PDLIM3: variants seen among roughly 807,000 people sequenced by gnomAD.
PDLIM3 encodes the protein PDZ and LIM domain protein 3.
PDLIM3 carries 36 observed loss-of-function variants against 37.3 expected under a neutral mutation model. The observed-to-expected ratio is 0.97, with a 90% CI of 0.74 to 1.28. The LOEUF (loss-of-function observed/expected upper bound fraction) is 1.28, where lower values mean the gene tolerates loss of function less well. Among genes scored for constraint, PDLIM3 ranks in the 50% most tolerant of loss-of-function variants. The pLI is 0.00. For synonymous variants in PDLIM3, 174 were observed against 182.4 expected (o/e 0.95, Z 0.37); for missense variants, 454 against 485.0 (o/e 0.94, Z 0.60).
intron 4 of PDLIM3, chr4:185,512,589 C>G (rs1359803687): frequency 1.1e-6 from 1 of 888,836 alleles, no homozygotes. Context: ...GATTCTCTGA[C>G]TTTCCTGACT....
chr4:185,514,330 T>C lies in PDLIM3; in HGVS notation c.338A>G (p.Asn113Ser). ...INLESEPQDG[N>S]YFEHKHNIRP... ...AATATTATGCTTGTGTTCAAAGTAG[T>C]TCCCGTCCTGTGAAAACAAAGCGTT... Residue 113 changes from asparagine to serine, a missense_variant, in exon 4 of 8, where the codon AAC becomes AGC. By Grantham distance (46) the Asn-to-Ser change is conservative (BLOSUM62 1). Transcript: ENST00000284767. This position sits in a 1 kb window ranked among gnomAD's most constrained non-coding sequence, Gnocchi z 4.0. 6.2e-7 allele frequency: 1 copy of C among 1,614,228 alleles called. No individual in the cohort carries two copies. Among genetic ancestry groups the C allele is most frequent in the South Asian group, 1.1e-5 (1 of 91,090 alleles).
chr4:185,513,207 T>C, intron 4 of PDLIM3: 4 of 985,554 alleles, frequency 4.1e-6, no homozygotes, highest in Non-Finnish European at 4.8e-6. Context: ...ATGGTTGCCT[T>C]CTTAACGCCT....
intron 4 of PDLIM3, among the ~76,000 whole-genome samples, chr4:185,511,554 T>C (rs1230086441): frequency 6.6e-6 from 1 of 151,970 alleles, no homozygotes; most frequent in Non-Finnish European, 1.5e-5. Context: ...AGAGATGGGG[T>C]TTCATCACGT....
chr4:185,525,294 TCTAA>T, intron 1 of PDLIM3, 123 bp from the exon 2 acceptor site: 2 of 947,450 alleles, frequency 2.1e-6, no homozygotes, highest in Non-Finnish European at 1.6e-6. Flanking sequence ...AGACTGTAAA[TCTAA>T]CTAAAGATAA....
At chr4:185,530,975 CACACACACACACAT>C (rs59837594) in intron 1 of PDLIM3, among the ~76,000 whole-genome samples, 4,368 of 26,598 alleles carry the variant, frequency 0.16, 214 homozygotes, top group African/African-American at 0.36. Context: ...GAAACACACA[CACACACACACACAT>C]ACACACACAC....
At chr4:185,528,751 G>A (rs2095738684) in intron 1 of PDLIM3, among the ~76,000 whole-genome samples, 1 of 152,154 alleles carries the variant, frequency 6.6e-6, no homozygotes. Flanking sequence ...GACAGTTGAT[G>A]AGAAAAAGGA....
At chr4:185,503,184 A>G (rs1012653031) in intron 7 of PDLIM3, among the ~76,000 whole-genome samples, 6 of 152,178 alleles carry the variant, frequency 3.9e-5, no homozygotes, top group Non-Finnish European at 7.4e-5. Flanking sequence ...AGATCGCGCC[A>G]CTGCACTCCA....
chr4:185,524,034 G>C (rs1388877741), intron 2 of PDLIM3, among the ~76,000 whole-genome samples: 1 of 151,744 alleles, frequency 6.6e-6, no homozygotes, highest in African/African-American at 2.4e-5. Flanking sequence ...AAACAGGAGA[G>C]GGAGACTCTG....
chr4:185,518,164 T>C (rs2095717651), intron 3 of PDLIM3, among the ~76,000 whole-genome samples: 1 of 152,216 alleles, frequency 6.6e-6, no homozygotes, highest in African/African-American at 2.4e-5. Flanking sequence ...TAGAGGCTTA[T>C]ATTAAGGAAC....
At position 185,502,071 on chromosome 4, in the gene PDLIM3, C is replaced by T; in HGVS notation, c.*223G>A. The T allele has an allele frequency of 1.7e-6, 1 of 585,134 alleles. No homozygotes were observed. Among genetic ancestry groups the T allele is most frequent in the Non-Finnish European group, 3.1e-6 (1 of 327,306 alleles). 36.2% of individuals were successfully genotyped at this position (585,134 alleles called of 1,614,324 possible). On this transcript the variant is annotated 3_prime_UTR_variant, in exon 8 of 8. Coordinates refer to ENST00000284767, the MANE Select transcript of PDLIM3 (RefSeq NM_014476.6). ...TGCTTTAAATATCATTATTGCTAGC[C>T]CCAAAAAGAGTTGCAAAACATAGCT...
At chr4:185,512,952 C>A in intron 4 of PDLIM3, 1 of 985,410 alleles carries the variant, frequency 1.0e-6, no homozygotes, top group Non-Finnish European at 1.2e-6. Context: ...CTGCCAGCAT[C>A]GGGAGCGAGA....
At chr4:185,524,960 T>C in intron 2 of PDLIM3, 60 bp downstream of exon 2, 1 of 1,558,166 alleles carries the variant, frequency 6.4e-7, no homozygotes, top group Non-Finnish European at 8.9e-7. Flanking sequence ...TTATTTATAG[T>C]TCTGGTTCAG....
chr4:185,530,555 T>C (rs2095742148), intron 1 of PDLIM3, among the ~76,000 whole-genome samples: 3 of 152,232 alleles, frequency 2.0e-5, no homozygotes, highest in African/African-American at 2.4e-5. Flanking sequence ...AATCATTTTA[T>C]ATCATGTACA....
chr4:185,528,502 C>G (rs771565333), intron 1 of PDLIM3, among the ~76,000 whole-genome samples: 2 of 152,220 alleles, frequency 1.3e-5, no homozygotes, highest in Non-Finnish European at 2.9e-5. Flanking sequence ...TTGCAAAGCT[C>G]CTTCTCACAC....
chr4:185,535,381 T>C lies in PDLIM3; in HGVS notation c.54A>G (p.Ser18=), dbSNP rs768654855. 213 of 1,608,108 alleles carry C rather than the reference T, an allele frequency of 1.3e-4. No homozygotes were observed. The highest frequency in any genetic ancestry group is 1.7e-4 in the Non-Finnish European group (203 of 1,177,546). ...AAGGCTGGTTGAAGTCTATGCCCCC[T>C]GAGAGCCTGAAGCCCCAGGGCGCAG... ...PGPAPWGFRL[S]GGIDFNQPLV... is the part of the protein sequence containing the mutation. Residue 18 remains serine, a synonymous_variant, in exon 1 of 8, where the codon TCA becomes TCG. Transcript: ENST00000284767.
intron 5 of PDLIM3, 52 bp downstream of exon 5, chr4:185,508,247 A>G (rs1267964359): frequency 1.9e-6 from 3 of 1,567,736 alleles, no homozygotes; most frequent in South Asian, 1.1e-5. Flanking sequence ...TAAAGCTGAC[A>G]TTGCCCACGT....
At chr4:185,512,271 T>C (rs1218680629) in intron 4 of PDLIM3, 2 of 152,118 alleles carry the variant, frequency 1.3e-5, no homozygotes, top group East Asian at 1.9e-4. Flanking sequence ...TTGGTAGACA[T>C]GGGGTTACAC....
In PDLIM3 at chr4:185,525,124, A is replaced by T. The variant is rs778943215; in HGVS notation, c.141T>A (p.Asp47Glu). The T allele has an allele frequency of 6.2e-6, 10 of 1,614,022 alleles. No homozygotes were observed. The South Asian group carries it at 9.9e-5, about 16-fold the overall frequency. Residue 47 changes from aspartate (D) to glutamate (E), a missense_variant, in exon 2 of 8, where the codon GAT becomes GAA. By Grantham distance (45) the Asp-to-Glu change is conservative. Transcript: ENST00000284767. ...KAAAANLCPG[D>E]VILAIDGFGT... ...CAAAGCCGTCAATAGCCAGGATGAC[A>T]TCTCCAGGACACAGGTTGGCAGCTG...
intron 1 of PDLIM3, among the ~76,000 whole-genome samples, chr4:185,534,845 G>T (rs543856947): frequency 6.6e-6 from 1 of 152,200 alleles, no homozygotes; most frequent in East Asian, 1.9e-4. Context: ...GTCGTGCCCC[G>T]CGAACAGCGC....
Sources: gnomAD v4.1 joint callset for allele counts (sites outside exome capture counted in the v4.1 genomes callset) on GRCh38, gnomAD v4.1.1 for gene constraint, Gnocchi (gnomAD v3.1) non-coding constraint, MANE v1.5 for transcripts, NCBI Gene and HGNC (gene_info 2026-07-23, HGNC 2026-07-21) for gene names.